The following KIAA1328 variants were observed in gnomAD, a reference collection of about 807,000 sequenced individuals.
KIAA1328 encodes KIAA1328.
In KIAA1328, 52 loss-of-function variants were observed where a neutral mutation model predicts 68.1. That is an observed-to-expected ratio of 0.76 (90% CI 0.61 to 0.96). The LOEUF (loss-of-function observed/expected upper bound fraction) is 0.96. KIAA1328 is among the 40% of genes least tolerant of loss of function. The pLI is 0.00. For missense variants in KIAA1328, 641 were observed against 677.6 expected, an observed-to-expected ratio of 0.95 and a Z score of 0.60; for synonymous variants, 232 against 239.4, an observed-to-expected ratio of 0.97 and a Z score of 0.28.
chr18:37,118,078 T>C (rs1404844577), intron 7 of KIAA1328, among the ~76,000 whole-genome samples: 1 of 151,152 alleles, frequency 6.6e-6, no homozygotes, highest in Non-Finnish European at 1.5e-5. Context: ...TACTGCAGCC[T>C]TCACCTCTTG....
chr18:37,050,239 A>T (rs74613683), intron 6 of KIAA1328, among the ~76,000 whole-genome samples: 3,230 of 151,818 alleles, frequency 0.021, 125 homozygotes, highest in African/African-American at 0.075. Context: ...AAGAAAAAAA[A>T]GGAAAAAGAA....
chr18:36,865,174 T>C (rs1248538228), intron 4 of KIAA1328, among the ~76,000 whole-genome samples: 1 of 152,088 alleles, frequency 6.6e-6, no homozygotes, highest in African/African-American at 2.4e-5. Context: ...TTTAATGCTA[T>C]ATACCTTCTT....
At chr18:36,863,786 AT>A (rs1398682608) in intron 4 of KIAA1328, among the ~76,000 whole-genome samples, 1 of 152,144 alleles carries the variant, frequency 6.6e-6, no homozygotes, top group Non-Finnish European at 1.5e-5. Flanking sequence ...AAGGTATTAT[AT>A]TTTTTGATTC....
intron 3 of KIAA1328, among the ~76,000 whole-genome samples, chr18:36,842,673 TA>T (rs1455171338): frequency 5.1e-4 from 76 of 147,700 alleles, no homozygotes; most frequent in African/African-American, 1.8e-3. Context: ...ACTAATTATT[TA>T]TTTTTTTTTT....
At chr18:37,100,404 C>G (rs187979150) in intron 7 of KIAA1328, among the ~76,000 whole-genome samples, 1 of 152,324 alleles carries the variant, frequency 6.6e-6, no homozygotes, top group Non-Finnish European at 1.5e-5. Context: ...GTCCTATGCC[C>G]ACAGAGCCTT....
chr18:36,836,827 G>C (rs2046690714), intron 3 of KIAA1328, among the ~76,000 whole-genome samples: 1 of 151,968 alleles, frequency 6.6e-6, no homozygotes, highest in South Asian at 2.1e-4. Context: ...ACACTAATCT[G>C]CTTTCAGTCT....
At chr18:37,142,141 A>T (rs1405458041) in intron 7 of KIAA1328, among the ~76,000 whole-genome samples, 1 of 152,136 alleles carries the variant, frequency 6.6e-6, no homozygotes, top group African/African-American at 2.4e-5. Context: ...TATATTAAGT[A>T]CATTTTTGTG....
chr18:37,203,283 T>C (rs2060148814), intron 9 of KIAA1328, among the ~76,000 whole-genome samples: 1 of 152,096 alleles, frequency 6.6e-6, no homozygotes, highest in Admixed American at 6.5e-5. Context: ...TATAGTTTTT[T>C]CCATTTCATA....
chr18:37,078,497 A>G (rs1396143209), intron 7 of KIAA1328, among the ~76,000 whole-genome samples: 2 of 150,036 alleles, frequency 1.3e-5, no homozygotes, highest in East Asian at 2.0e-4. Context: ...ATTAAACTAA[A>G]GAGCTTCTGC....
intron 6 of KIAA1328, among the ~76,000 whole-genome samples, chr18:36,980,157 T>C (rs890937828): frequency 1.3e-5 from 2 of 152,180 alleles, no homozygotes; most frequent in Non-Finnish European, 2.9e-5. Flanking sequence ...CACCATCTCC[T>C]GAACTATGAG....
chr18:36,837,066 A>G (rs760626183), intron 3 of KIAA1328, among the ~76,000 whole-genome samples: 2 of 152,184 alleles, frequency 1.3e-5, no homozygotes, highest in Admixed American at 6.5e-5. Flanking sequence ...GATCATTCAT[A>G]TACAAGTTTT....
chr18:37,104,961 T>C lies in KIAA1328; in HGVS notation c.1232+37416T>C, dbSNP rs1248822627. 2.6e-5 allele frequency among the ~76,000 whole-genome samples: 4 copies of C among 152,320 alleles called. No individual in the cohort carries two copies. The East Asian group carries it at 7.7e-4, about 29-fold the overall frequency. On this transcript the variant is annotated intron_variant, in intron 7 of 9. Coordinates refer to ENST00000280020, the MANE Select transcript of KIAA1328 (RefSeq NM_020776.3). ...TTCTAATTATCAATGATAACTGGCA[T>C]AGCAACTCTTTTCCGGTTATCTCCC...
intron 7 of KIAA1328, among the ~76,000 whole-genome samples, chr18:37,132,800 TAGC>T (rs1438594437): frequency 2.0e-5 from 3 of 152,206 alleles, no homozygotes; most frequent in African/African-American, 7.2e-5. Flanking sequence ...TGAATGCTCA[TAGC>T]AACTTTATTT....
chr18:37,006,109 A>ATC (rs767759809), intron 6 of KIAA1328, among the ~76,000 whole-genome samples: 4,124 of 152,230 alleles, frequency 0.027, 78 homozygotes, highest in Middle Eastern at 0.058. Flanking sequence ...CCTGACTTGA[A>ATC]CACTAGGCAT....
intron 7 of KIAA1328, among the ~76,000 whole-genome samples, chr18:37,113,055 G>A (rs1430898292): frequency 1.3e-5 from 2 of 152,142 alleles, no homozygotes; most frequent in African/African-American, 4.8e-5. Flanking sequence ...AAAGGGACGG[G>A]GAGAATGGAA....
intron 9 of KIAA1328, among the ~76,000 whole-genome samples, chr18:37,196,882 T>C (rs2060013314): frequency 6.6e-6 from 1 of 152,114 alleles, no homozygotes; most frequent in Non-Finnish European, 1.5e-5. Flanking sequence ...TTGGTAGAAT[T>C]CAGCAGTGAA....
At chr18:37,199,993 A>G (rs1254369219) in intron 9 of KIAA1328, among the ~76,000 whole-genome samples, 1 of 152,242 alleles carries the variant, frequency 6.6e-6, no homozygotes, top group Non-Finnish European at 1.5e-5. Flanking sequence ...TAGATAAGGT[A>G]TAAGTTGGAT....
At chr18:37,125,183 G>A (rs569012282) in intron 7 of KIAA1328, among the ~76,000 whole-genome samples, 96 of 152,142 alleles carry the variant, frequency 6.3e-4, no homozygotes, top group African/African-American at 2.3e-3. Flanking sequence ...AGCCAGGCAT[G>A]GTGGTGCATG....
chr18:37,083,967 G>A (rs1279658898), intron 7 of KIAA1328, among the ~76,000 whole-genome samples: 2 of 152,006 alleles, frequency 1.3e-5, no homozygotes, highest in African/African-American at 4.8e-5. Flanking sequence ...ATTTGTGTTT[G>A]TTTATGTATA....
Sources: allele counts gnomAD v4.1 joint callset (sites outside exome capture counted in the v4.1 genomes callset), GRCh38; gene constraint gnomAD v4.1.1; transcripts MANE v1.5; gene names NCBI Gene and HGNC (gene_info 2026-07-23, HGNC 2026-07-21).